Variants in CARD10 observed in about 807,000 individuals in gnomAD.
CARD10 encodes the protein caspase recruitment domain-containing protein 10.
CARD10 carries 49 observed loss-of-function variants against 114.6 expected under a neutral mutation model. That is an observed-to-expected ratio of 0.43 (90% CI 0.34 to 0.54). CARD10 has a LOEUF of 0.54. Ranked by LOEUF, CARD10 falls within the 20% of genes least tolerant of loss-of-function variation. The pLI is 0.03. For missense variants in CARD10, 1,206 were observed against 1,397.2 expected (o/e 0.86, Z 2.18); for synonymous variants, 602 against 593.2 (o/e 1.01, Z -0.21).
chr22:37,510,277 C>T lies in CARD10; in HGVS notation c.844G>A (p.Glu282Lys). The part of the protein sequence containing the change: ...KEPDNVDLVS[E>K]LRAENQRLTA... ...AGCCGCTGGTTCTCAGCACGCAGCT[C>T]AGAGACAAGGTCCACATTGTCTGGC... is the stretch of plus-strand genomic sequence containing the variant. Residue 282 changes from glutamate to lysine, a missense_variant, in exon 4 of 20, where the codon GAG becomes AAG. Coordinates refer to ENST00000251973, the MANE Select transcript of CARD10 (RefSeq NM_014550.4). 1 of 1,605,736 alleles carries T rather than the reference C, an allele frequency of 6.2e-7. No homozygotes were observed. Among genetic ancestry groups the T allele is most frequent in the East Asian group, 2.2e-5 (1 of 44,868 alleles).
intron 6 of CARD10, among the ~76,000 whole-genome samples, chr22:37,506,651 C>G (rs1923420755): frequency 6.6e-6 from 1 of 152,184 alleles, no homozygotes; most frequent in Non-Finnish European, 1.5e-5. Flanking sequence ...ATCGGGCAGT[C>G]CATCTGCAGA....
intron 1 of CARD10, 125 bp from the exon 2 acceptor site, chr22:37,518,233 G>T: frequency 2.3e-6 from 2 of 873,152 alleles, no homozygotes. Context: ...GACACACACA[G>T]GGGCCTGTCC....
At position 37,518,062 on chromosome 22, in the gene CARD10, C is replaced by T; in HGVS notation, c.282G>A (p.Glu94=). Residue 94 remains glutamate, a synonymous_variant, in exon 2 of 20, where the codon GAG becomes GAA. Coordinates refer to ENST00000251973, the MANE Select transcript of CARD10 (RefSeq NM_014550.4). The stretch of plus-strand genomic sequence containing the variant: ...AGAACTCCAGGGCTTCCAGGAAGGC[C>T]TCATAGCCCCTCTTGCCACGGCAGC... The part of the protein sequence containing the change: ...ILRCRGKRGY[E]AFLEALEFYY... 1 of 1,614,058 alleles carries T rather than the reference C, an allele frequency of 6.2e-7. No individual in the cohort carries two copies. Among genetic ancestry groups the T allele is most frequent in the Non-Finnish European group, 8.5e-7 (1 of 1,179,962 alleles).
chr22:37,501,106 C>T lies in CARD10; in HGVS notation c.1787+1496G>A, dbSNP rs1481551223. On this transcript the variant is annotated intron_variant, in intron 11 of 19. Coordinates refer to ENST00000251973, the MANE Select transcript of CARD10 (RefSeq NM_014550.4). The surrounding 1 kb of genome is among the most constrained non-coding windows in gnomAD (Gnocchi z 5.4). Reference sequence around the variant, plus strand: ...GGGACCTGTCCGGGCCCTCATCTCCCTCTCCCTCTCCTCTCCGCCTGTCTG... The same window carrying T: ...GGGACCTGTCCGGGCCCTCATCTCCTTCTCCCTCTCCTCTCCGCCTGTCTG... 6.6e-6 allele frequency among the ~76,000 whole-genome samples: 1 copy of T among 152,120 alleles called. No individual in the cohort carries two copies. Among genetic ancestry groups the T allele is most frequent in the Non-Finnish European group, 1.5e-5 (1 of 68,020 alleles).
rs567517553 is a variant in CARD10, at chr22:37,519,220, G to A, written c.-20C>T. On this transcript the variant is annotated 5_prime_UTR_variant, in exon 1 of 20. Transcript: ENST00000251973. This position sits in a 1 kb window ranked among gnomAD's most constrained non-coding sequence, Gnocchi z 4.1. ...CGGCATGGCCGTGTCCTCAGGGTCT[G>A]CGGGCAAGAGGCGCACGGGGGTCGA... is the stretch of plus-strand genomic sequence containing the variant. 163 of 1,498,242 alleles carry A rather than the reference G, an allele frequency of 1.1e-4. 1 individual carries two copies. In the African/African-American group the frequency reaches 2.0e-3, roughly 19 times the overall value. 92.8% of individuals were successfully genotyped at this position (1,498,242 alleles called of 1,614,324 possible). A position where few individuals can be genotyped will look rare whatever the true frequency, so the allele number is the denominator to read the frequency against.
chr22:37,502,102 G>A (rs1323079193), intron 11 of CARD10, among the ~76,000 whole-genome samples: 1 of 152,228 alleles, frequency 6.6e-6, no homozygotes. Flanking sequence ...TGCACTAATG[G>A]GCTTTGTGAC....
intron 6 of CARD10, among the ~76,000 whole-genome samples, chr22:37,507,393 G>C (rs1016954250): frequency 3.3e-5 from 5 of 152,204 alleles, no homozygotes; most frequent in Admixed American, 1.3e-4. Flanking sequence ...GGAGGCTCGG[G>C]GGCCTGGTGG....
Position 37,492,321 on chromosome 22 carries a change from G to A in CARD10, c.2751+114C>T. On this transcript the variant is annotated intron_variant, in intron 18 of 19. Coordinates refer to ENST00000251973, the MANE Select transcript of CARD10 (RefSeq NM_014550.4). This position sits in a 1 kb window ranked among gnomAD's most constrained non-coding sequence, Gnocchi z 5.7. ...GAAAGGACTTGGCCAGGGCCGCCCT[G>A]CCAGTGAGCAGCAGAGCATGGCCCG... 1 of 793,992 alleles carries A rather than the reference G, an allele frequency of 1.3e-6. No individual in the cohort carries two copies. The highest frequency in any genetic ancestry group is 1.9e-6 in the Non-Finnish European group (1 of 514,186). 49.2% of individuals were successfully genotyped at this position (793,992 alleles called of 1,614,324 possible).
rs978855885 is a variant in CARD10 at position 37,508,562 on chromosome 22, C to G, written c.1030G>C (p.Gly344Arg). ...AGCTCCTCGGCCCACTGCAGCTCCCCCTGCACGGCATGCAGCTTCTGGCAC... is the reference window on the plus strand; with the variant it reads ...AGCTCCTCGGCCCACTGCAGCTCCCGCTGCACGGCATGCAGCTTCTGGCAC... ...ELCQKLHAVQ[G>R]ELQWAEELRD... Residue 344 changes from glycine (G) to arginine (R), a missense_variant, in exon 5 of 20, where the codon GGG (glycine) becomes CGG (arginine). Coordinates refer to ENST00000251973, the MANE Select transcript of CARD10 (RefSeq NM_014550.4). 4 of 1,598,306 alleles carry G rather than the reference C, an allele frequency of 2.5e-6. No individual in the cohort carries two copies. The highest frequency in any genetic ancestry group is 3.4e-6 in the Non-Finnish European group (4 of 1,178,348).
Position 37,510,436 on chromosome 22 carries a change from A to G in CARD10, c.700-15T>C. On this transcript the variant is annotated splice_polypyrimidine_tract_variant and intron_variant, in intron 3 of 19. Transcript: ENST00000251973. ...AGCTGATCCACCTGGAGCCCAAGAC[A>G]TGGGTCAGCCCAGAGGGAGACACAC... is the stretch of plus-strand genomic sequence containing the variant. The G allele has an allele frequency of 6.2e-7, 1 of 1,612,616 alleles. No homozygotes were observed. Among genetic ancestry groups the G allele is most frequent in the Non-Finnish European group, 8.5e-7 (1 of 1,179,370 alleles).
In CARD10 at chr22:37,504,527, G is replaced by A. The variant is rs183812242; in HGVS notation, c.1518+108C>T. Reference sequence around the variant, plus strand: ...TCAGTAAAGTACTTGGCCTCCCTGCGCCTCAGTGTCCTCACCTGTGAAATG... The same window carrying A: ...TCAGTAAAGTACTTGGCCTCCCTGCACCTCAGTGTCCTCACCTGTGAAATG... On this transcript the variant is annotated intron_variant, in intron 8 of 19. Transcript: ENST00000251973. 451 of 1,438,872 alleles carry A rather than the reference G, an allele frequency of 3.1e-4. 1 individual carries two copies. In the East Asian group the frequency reaches 7.8e-3, roughly 25 times the overall value. 89.1% of individuals were successfully genotyped at this position (1,438,872 alleles called of 1,614,324 possible).
At position 37,492,871 on chromosome 22, in the gene CARD10, C is replaced by T; in HGVS notation, c.2477-69G>A. The T allele has an allele frequency of 6.6e-7, 1 of 1,504,282 alleles. No individual in the cohort carries two copies. Among genetic ancestry groups the T allele is most frequent in the South Asian group, 1.2e-5 (1 of 80,458 alleles). The allele number at this position is 1,504,282 out of a possible 1,614,324, so 93.2% of individuals were successfully genotyped here. A position where few individuals can be genotyped will look rare whatever the true frequency, so the allele number is the denominator to read the frequency against. ...GCAGCATACCAGCTCGTCGATACCC[C>T]AAAACCCACCCCGCCACCCATCCCT... On this transcript the variant is annotated intron_variant, in intron 16 of 19. Coordinates refer to ENST00000251973, the MANE Select transcript of CARD10 (RefSeq NM_014550.4). The surrounding 1 kb of genome is among the most constrained non-coding windows in gnomAD (Gnocchi z 5.7).
At chr22:37,515,440 G>A (rs79051207) in intron 3 of CARD10, among the ~76,000 whole-genome samples, 1 of 151,810 alleles carries the variant, frequency 6.6e-6, no homozygotes, top group African/African-American at 2.4e-5. Flanking sequence ...GCACGAGCCT[G>A]TAATCCCAGC....
rs1923938547 is a variant in CARD10 at position 37,519,017 on chromosome 22, C to T, written c.184G>A (p.Glu62Lys). Residue 62 changes from glutamate (E) to lysine (K), a missense_variant, in exon 1 of 20, where the codon GAG (glutamate) becomes AAG (lysine). This residue lies in a region of CARD10 where 138 missense variants were observed against 218.0 expected (regional missense o/e 0.63). Coordinates refer to ENST00000251973, the MANE Select transcript of CARD10 (RefSeq NM_014550.4). The surrounding 1 kb of genome is among the most constrained non-coding windows in gnomAD (Gnocchi z 4.1). ...RQCRVIDEQD[E>K]EEVLSTYRFP... ...CGGTAGGTGCTCAGCACCTCCTCCT[C>T]GTCCTGCTCGTCGATGACCCGGCAC... The T allele has an allele frequency of 6.3e-7, 1 of 1,592,948 alleles. No individual in the cohort carries two copies. The highest frequency in any genetic ancestry group is 8.5e-7 in the Non-Finnish European group (1 of 1,176,078).
intron 3 of CARD10, 129 bp from the exon 4 acceptor site, chr22:37,510,550 TC>T: frequency 1.4e-6 from 1 of 720,026 alleles, no homozygotes; most frequent in Non-Finnish European, 2.3e-6. Flanking sequence ...GCAGGAGTCC[TC>T]CCCAGGCTTG....
In CARD10 at chr22:37,497,033, T is replaced by C; in HGVS notation, c.1933A>G (p.Met645Val). 2 of 1,613,308 alleles carry C rather than the reference T, an allele frequency of 1.2e-6. No individual in the cohort carries two copies. Among genetic ancestry groups the C allele is most frequent in the Non-Finnish European group, 1.7e-6 (2 of 1,179,680 alleles). ...CAGGGCCTCACCTCTCTTGGTTCCATCCTGGCGGACCCAGGCCCAGACAGC... is the reference window on the plus strand; with the variant it reads ...CAGGGCCTCACCTCTCTTGGTTCCACCCTGGCGGACCCAGGCCCAGACAGC... ...RVLSGPGSARMEPREQRVEAA... is the reference protein window; with the variant it reads ...RVLSGPGSARVEPREQRVEAA... The change falls in exon 12 of 20, where the codon ATG (methionine) becomes GTG (valine). Residue 645 changes from methionine (M) to valine (V), a missense_variant. By Grantham distance (21) the Met-to-Val change is conservative. Around this residue, in one of 2 missense-constraint regions of CARD10, gnomAD observed 1,068 missense variants for 1,179.1 expected, o/e 0.91. Coordinates refer to ENST00000251973, the MANE Select transcript of CARD10 (RefSeq NM_014550.4).
In CARD10 at chr22:37,510,180, C is replaced by A. The variant is rs533722114; in HGVS notation, c.909+32G>T. The stretch of plus-strand genomic sequence containing the variant: ...GCTGCAGGCCCTCCTGACCACCCCC[C>A]AGCCTGTGCCCACAAGCCCTGGCCC... On this transcript the variant is annotated intron_variant, in intron 4 of 19. Coordinates refer to ENST00000251973, the MANE Select transcript of CARD10 (RefSeq NM_014550.4). 3.1e-6 allele frequency: 5 copies of A among 1,587,992 alleles called. No homozygotes were observed. The East Asian group carries it at 1.1e-4, about 35-fold the overall frequency.
intron 3 of CARD10, among the ~76,000 whole-genome samples, chr22:37,511,540 GAA>G (rs201819800): frequency 7.0e-5 from 8 of 114,370 alleles, no homozygotes; most frequent in South Asian, 6.0e-4. Context: ...GAAAGAAGGA[GAA>G]AAAAAAAAAA....
chr22:37,495,457 G>T, intron 15 of CARD10, 60 bp downstream of exon 15: 1 of 1,370,846 alleles, frequency 7.3e-7, no homozygotes, highest in Non-Finnish European at 1.0e-6. Context: ...GAGCCTGCTA[G>T]CTCCCTTTTG....
Sources: gnomAD v4.1 joint callset for allele counts (sites outside exome capture counted in the v4.1 genomes callset) on GRCh38, gnomAD v4.1.1 for gene constraint, gnomAD v4.1.1 regional missense constraint, Gnocchi (gnomAD v3.1) non-coding constraint, MANE v1.5 for transcripts, NCBI Gene and HGNC (gene_info 2026-07-23, HGNC 2026-07-21) for gene names.